NDUFA9: variants seen among roughly 807,000 people sequenced by gnomAD.
NDUFA9 encodes NADH dehydrogenase [ubiquinone] 1 alpha subcomplex subunit 9, mitochondrial.
Under a neutral mutation model 45.9 loss-of-function variants are expected in NDUFA9, and 23 were observed. The ratio of observed to expected loss-of-function variants is 0.50; its 90% CI spans 0.36 to 0.71. The LOEUF (loss-of-function observed/expected upper bound fraction) is 0.71, where lower values mean the gene tolerates loss of function less well. Among genes scored for constraint, NDUFA9 ranks in the 30% least tolerant of loss-of-function variants. NDUFA9 has a pLI of 0.00. For synonymous variants in NDUFA9, 176 were observed against 170.5 expected, an observed-to-expected ratio of 1.03 and a Z score of -0.25; for missense variants, 466 against 488.2, an observed-to-expected ratio of 0.95 and a Z score of 0.43.
At position 4,687,317 on chromosome 12, in the gene NDUFA9, A is replaced by G; in HGVS notation, c.*209A>G. The G allele has an allele frequency of 2.1e-6, 1 of 481,970 alleles. No homozygotes were observed. The highest frequency in any genetic ancestry group is 3.6e-6 in the Non-Finnish European group (1 of 276,606). 29.9% of individuals were successfully genotyped at this position (481,970 alleles called of 1,614,324 possible). A position where few individuals can be genotyped will look rare whatever the true frequency, so the allele number is the denominator to read the frequency against. On this transcript the variant is annotated 3_prime_UTR_variant, in exon 11 of 11. Transcript: ENST00000266544. ...AGCATGATTTTTGTTAAACATATTT[A>G]ATAATGATATATATACTATTTATTC... is the stretch of plus-strand genomic sequence containing the variant.
chr12:4,660,255 A>C (rs1032490194), intron 5 of NDUFA9, among the ~76,000 whole-genome samples: 2 of 152,150 alleles, frequency 1.3e-5, no homozygotes, highest in African/African-American at 4.8e-5. Context: ...ACCAATTAAA[A>C]CAATTTCTGG....
chr12:4,685,214 C>A, intron 9 of NDUFA9, 45 bp from the exon 10 acceptor site: 1 of 1,511,082 alleles, frequency 6.6e-7, no homozygotes, highest in Non-Finnish European at 9.2e-7. Context: ...ACATCTTGGG[C>A]AGAGAGATGC....
At chr12:4,664,324 C>G (rs1244737860) in intron 6 of NDUFA9, among the ~76,000 whole-genome samples, 3 of 152,192 alleles carry the variant, frequency 2.0e-5, no homozygotes, top group Non-Finnish European at 4.4e-5. Context: ...ATTACATCAG[C>G]AAAGTCACCA....
chr12:4,665,453 C>G (rs1945847537), intron 6 of NDUFA9, among the ~76,000 whole-genome samples: 1 of 152,166 alleles, frequency 6.6e-6, no homozygotes, highest in Non-Finnish European at 1.5e-5. Context: ...TGTGATATGT[C>G]TATACCACAT....
At chr12:4,681,079 A>G (rs1458128790) in intron 8 of NDUFA9, among the ~76,000 whole-genome samples, 1 of 152,162 alleles carries the variant, frequency 6.6e-6, no homozygotes, top group Non-Finnish European at 1.5e-5. Flanking sequence ...TCTTGGGAAA[A>G]ATATAATTAC....
At chr12:4,658,095 C>T (rs181150649) in intron 4 of NDUFA9, among the ~76,000 whole-genome samples, 18 of 152,186 alleles carry the variant, frequency 1.2e-4, no homozygotes, top group Non-Finnish European at 2.2e-4. Flanking sequence ...GCTGTTGGTC[C>T]TGTACTTGGA....
chr12:4,685,345 GC>G lies in NDUFA9; in HGVS notation c.963+21del. The G allele has an allele frequency of 6.2e-7, 1 of 1,603,042 alleles. No homozygotes were observed. The highest frequency in any genetic ancestry group is 2.2e-5 in the East Asian group (1 of 44,596). Reference sequence around the variant, plus strand: ...GAGCGGGTGAGTACATGTGTGGAAAGCGTCTGCCTGGGCAGATGATGAGGCG... The same window carrying G: ...GAGCGGGTGAGTACATGTGTGGAAAGGTCTGCCTGGGCAGATGATGAGGCG... On this transcript the variant is annotated intron_variant, in intron 10 of 10. Transcript: ENST00000266544.
At chr12:4,655,112 G>T in intron 3 of NDUFA9, 190 bp downstream of exon 3, 1 of 532,938 alleles carries the variant, frequency 1.9e-6, no homozygotes, top group East Asian at 3.1e-5. Context: ...TTGGCAGTTG[G>T]CAAACTTTTT....
At chr12:4,679,216 T>G (rs1485017489) in intron 8 of NDUFA9, among the ~76,000 whole-genome samples, 1 of 152,140 alleles carries the variant, frequency 6.6e-6, no homozygotes, top group East Asian at 1.9e-4. Context: ...AAGGCAAATG[T>G]AAGTAGATTA....
At chr12:4,666,818 A>T (rs975047761) in intron 6 of NDUFA9, among the ~76,000 whole-genome samples, 1 of 152,112 alleles carries the variant, frequency 6.6e-6, no homozygotes, top group African/African-American at 2.4e-5. Context: ...ACTTCCAAAA[A>T]TTTGTTCTTT....
At chr12:4,670,249 T>C (rs938417559) in intron 8 of NDUFA9, among the ~76,000 whole-genome samples, 5 of 152,202 alleles carry the variant, frequency 3.3e-5, no homozygotes, top group African/African-American at 1.2e-4. Context: ...CTGTGCGAGA[T>C]TGATTATTTC....
chr12:4,677,492 G>A (rs10732600), intron 8 of NDUFA9, among the ~76,000 whole-genome samples: 150,517 of 152,376 alleles, frequency 0.99, 74,364 homozygotes, highest in Middle Eastern at 1. Context: ...AAAGATATGA[G>A]CAGACACTTC....
At chr12:4,665,434 A>G (rs1945847466) in intron 6 of NDUFA9, among the ~76,000 whole-genome samples, 1 of 152,214 alleles carries the variant, frequency 6.6e-6, no homozygotes, top group African/African-American at 2.4e-5. Flanking sequence ...TGAAGGCTGA[A>G]TAATATTCTG....
chr12:4,668,055 C>T (rs1945863822), intron 6 of NDUFA9, among the ~76,000 whole-genome samples: 1 of 151,946 alleles, frequency 6.6e-6, no homozygotes, highest in Non-Finnish European at 1.5e-5. Flanking sequence ...GATACAGCAG[C>T]AGAACTCATC....
At chr12:4,685,357 G>A (rs752960601) in intron 10 of NDUFA9, 32 bp downstream of exon 10, 59 of 1,588,568 alleles carry the variant, frequency 3.7e-5, no homozygotes, top group African/African-American at 1.1e-4. Context: ...GTCTGCCTGG[G>A]CAGATGATGA....
Position 4,659,188 on chromosome 12 carries a change from A to T in NDUFA9, c.552+11A>T, listed in dbSNP as rs7972657. 3.7e-6 allele frequency: 6 copies of T among 1,603,970 alleles called. No individual in the cohort carries two copies. Among genetic ancestry groups the T allele is most frequent in the East Asian group, 2.2e-5 (1 of 44,776 alleles). On this transcript the variant is annotated intron_variant, in intron 5 of 10. Coordinates refer to ENST00000266544, the MANE Select transcript of NDUFA9 (RefSeq NM_005002.5). Reference sequence around the variant, plus strand: ...TATTTGAGAAATAAGGTAAGTAACAAATTGATCTGGGAAGTGGTTCACAGA... The same window carrying T: ...TATTTGAGAAATAAGGTAAGTAACATATTGATCTGGGAAGTGGTTCACAGA...
At chr12:4,664,739 C>T (rs1310012897) in intron 6 of NDUFA9, among the ~76,000 whole-genome samples, 1 of 152,168 alleles carries the variant, frequency 6.6e-6, no homozygotes, top group Non-Finnish European at 1.5e-5. Context: ...GAGACCACCA[C>T]CTCTGTGAAT....
chr12:4,668,845 A>T, intron 7 of NDUFA9: 2 of 323,712 alleles, frequency 6.2e-6, no homozygotes, highest in South Asian at 7.4e-5. Context: ...TAAATAAAGC[A>T]GTTATTGTAC....
intron 8 of NDUFA9, among the ~76,000 whole-genome samples, chr12:4,670,202 G>A (rs964156125): frequency 3.3e-5 from 5 of 152,154 alleles, no homozygotes; most frequent in Non-Finnish European, 7.3e-5. Flanking sequence ...GCCTCCAGAG[G>A]CTGAAAAACG....
Sources: allele counts gnomAD v4.1 joint callset (sites outside exome capture counted in the v4.1 genomes callset), GRCh38; gene constraint gnomAD v4.1.1; transcripts MANE v1.5; gene names NCBI Gene and HGNC (gene_info 2026-07-23, HGNC 2026-07-21).